Variants in ADAMTS17 observed in about 807,000 individuals in gnomAD.
ADAMTS17 encodes A disintegrin and metalloproteinase with thrombospondin motifs 17.
In ADAMTS17, 113 loss-of-function variants were observed where a neutral mutation model predicts 141.5. The observed-to-expected ratio is 0.80, with a 90% CI of 0.69 to 0.93. ADAMTS17 has a LOEUF of 0.93. Among genes scored for constraint, ADAMTS17 ranks in the 40% least tolerant of loss-of-function variants. The probability of loss-of-function intolerance (pLI) is 0.00; values close to 1 mark genes in which losing one functional copy is unlikely to be tolerated. For missense variants in ADAMTS17, 1,659 were observed against 1,517.9 expected (o/e 1.09, Z -1.54); for synonymous variants, 768 against 630.6 (o/e 1.22, Z -3.27).
intron 8 of ADAMTS17, among the ~76,000 whole-genome samples, chr15:100,163,174 C>A (rs1021828278): frequency 2.6e-5 from 4 of 151,918 alleles, no homozygotes; most frequent in East Asian, 1.9e-4. Flanking sequence ...CATCTCCATA[C>A]ATTTACAAGA....
At chr15:100,250,244 A>C (rs957959872) in intron 7 of ADAMTS17, among the ~76,000 whole-genome samples, 1 of 152,194 alleles carries the variant, frequency 6.6e-6, no homozygotes, top group African/African-American at 2.4e-5. Context: ...ACAACAACAA[A>C]AAAACGCTGT....
At chr15:100,057,511 C>T (rs1024845283) in intron 15 of ADAMTS17, among the ~76,000 whole-genome samples, 6 of 152,172 alleles carry the variant, frequency 3.9e-5, no homozygotes, top group African/African-American at 1.2e-4. Context: ...GACTCCAACA[C>T]GGGCTGCCCT....
chr15:100,142,798 C>T (rs1004859478), intron 10 of ADAMTS17, among the ~76,000 whole-genome samples: 1 of 152,186 alleles, frequency 6.6e-6, no homozygotes, highest in South Asian at 2.1e-4. Context: ...TACGTAGAAA[C>T]AATTGTCTAA....
intron 13 of ADAMTS17, among the ~76,000 whole-genome samples, chr15:100,111,331 A>C (rs1165669487): frequency 1.3e-5 from 2 of 152,234 alleles, no homozygotes; most frequent in African/African-American, 4.8e-5. Context: ...GCCTGGAAGG[A>C]ATGACTCATT....
chr15:100,288,122 C>T (rs140400441), intron 3 of ADAMTS17, among the ~76,000 whole-genome samples: 35 of 152,326 alleles, frequency 2.3e-4, no homozygotes, highest in Admixed American at 1.5e-3. Context: ...ACCCATCTCA[C>T]ATGCAGTGAC....
chr15:100,309,644 A>T (rs1325454339), intron 3 of ADAMTS17, among the ~76,000 whole-genome samples: 2 of 152,212 alleles, frequency 1.3e-5, no homozygotes, highest in Non-Finnish European at 2.9e-5. Context: ...GGCACAGATG[A>T]CACAAGCCAT....
chr15:100,182,707 G>T (rs2040567207), intron 8 of ADAMTS17, among the ~76,000 whole-genome samples: 1 of 151,930 alleles, frequency 6.6e-6, no homozygotes, highest in African/African-American at 2.4e-5. Flanking sequence ...GTGTTACTGT[G>T]GGGTGGTGGC....
intron 2 of ADAMTS17, among the ~76,000 whole-genome samples, chr15:100,331,836 T>C (rs1050630867): frequency 2.0e-5 from 3 of 151,924 alleles, no homozygotes; most frequent in Non-Finnish European, 4.4e-5. Context: ...CACCTGGAGG[T>C]CCTGCTGGAG....
At chr15:100,043,267 A>T (rs896008995) in intron 18 of ADAMTS17, among the ~76,000 whole-genome samples, 1 of 152,138 alleles carries the variant, frequency 6.6e-6, no homozygotes. Flanking sequence ...CTGTTTTTCA[A>T]TTTCATTTTC....
At chr15:100,033,977 G>T (rs1347450050) in intron 18 of ADAMTS17, among the ~76,000 whole-genome samples, 1 of 152,228 alleles carries the variant, frequency 6.6e-6, no homozygotes, top group Admixed American at 6.5e-5. Context: ...TTGATTGGCA[G>T]TGATGCCATC....
chr15:100,246,810 G>A (rs1254252200), intron 7 of ADAMTS17, among the ~76,000 whole-genome samples: 3 of 152,066 alleles, frequency 2.0e-5, no homozygotes, highest in Middle Eastern at 3.4e-3. Flanking sequence ...TTTTTCATAA[G>A]TTTATTTGCC....
At chr15:100,259,725 G>A (rs2043449722) in intron 6 of ADAMTS17, among the ~76,000 whole-genome samples, 1 of 152,252 alleles carries the variant, frequency 6.6e-6, no homozygotes, top group Admixed American at 6.5e-5. Context: ...ACGCTACAAA[G>A]CACACTGTGA....
At chr15:100,312,460 T>C (rs569005788) in intron 3 of ADAMTS17, among the ~76,000 whole-genome samples, 16 of 152,344 alleles carry the variant, frequency 1.1e-4, no homozygotes, top group Admixed American at 3.3e-4. Flanking sequence ...GTGAAACTGA[T>C]TGCAGACTTC....
At chr15:100,026,990 T>C (rs1052118123) in intron 18 of ADAMTS17, among the ~76,000 whole-genome samples, 8 of 152,236 alleles carry the variant, frequency 5.3e-5, no homozygotes, top group African/African-American at 1.9e-4. Context: ...TCAATCAGTC[T>C]AGTGGGTGTG....
Position 100,099,598 on chromosome 15 carries a change from C to T in ADAMTS17, c.2017-3122G>A, listed in dbSNP as rs954481202. On this transcript the variant is annotated intron_variant, in intron 14 of 21. Transcript: ENST00000268070. ...TTACTTTCCTAGGAATCTTCATCAC[C>T]CATTTCTCAGCTTTCAAAGCAGGGC... Among the ~76,000 whole-genome samples, 11 of 152,248 alleles carry T rather than the reference C, an allele frequency of 7.2e-5. No homozygotes were observed. In the East Asian group the frequency reaches 1.7e-3, roughly 24 times the overall value.
At chr15:100,299,147 C>T (rs1351352611) in intron 3 of ADAMTS17, among the ~76,000 whole-genome samples, 2 of 152,174 alleles carry the variant, frequency 1.3e-5, no homozygotes, top group South Asian at 2.1e-4. Flanking sequence ...AAAACAGTCA[C>T]ATTCTAAGGT....
intron 15 of ADAMTS17, among the ~76,000 whole-genome samples, chr15:100,073,032 A>T (rs1042863845): frequency 6.6e-6 from 1 of 152,238 alleles, no homozygotes; most frequent in African/African-American, 2.4e-5. Context: ...CAAAGGGCTA[A>T]TATCCAGAAT....
At chr15:100,212,888 G>A (rs78764229) in intron 7 of ADAMTS17, among the ~76,000 whole-genome samples, 5,957 of 151,912 alleles carry the variant, frequency 0.039, 263 homozygotes, top group African/African-American at 0.11. Context: ...CCAAGGTAAT[G>A]CATAGGGTGA....
chr15:100,308,644 T>G (rs1045467830), intron 3 of ADAMTS17, among the ~76,000 whole-genome samples: 1 of 152,036 alleles, frequency 6.6e-6, no homozygotes, highest in Non-Finnish European at 1.5e-5. Context: ...GTTGGATTCA[T>G]GAAAAAAGAA....
Sources: allele counts gnomAD v4.1 joint callset (sites outside exome capture counted in the v4.1 genomes callset), GRCh38; gene constraint gnomAD v4.1.1; transcripts MANE v1.5; gene names NCBI Gene and HGNC (gene_info 2026-07-23, HGNC 2026-07-21).